Variants in SCN10A observed in about 807,000 individuals in gnomAD.
SCN10A encodes the protein sodium voltage-gated channel alpha subunit 10.
A neutral mutation model predicts 170.7 loss-of-function variants in SCN10A; 162 were observed. That is an observed-to-expected ratio of 0.95 (90% confidence interval 0.84 to 1.08). The LOEUF is 1.08. SCN10A is among the 50% of genes least tolerant of loss of function. The pLI is 0.00. For missense variants in SCN10A, 2,527 were observed against 2,436.9 expected (o/e 1.04, Z -0.78); for synonymous variants, 985 against 904.6 (o/e 1.09, Z -1.59).
At chr3:38,739,434 G>A in intron 15 of SCN10A, 81 bp downstream of exon 15, 2 of 1,278,226 alleles carry the variant, frequency 1.6e-6, no homozygotes, top group Non-Finnish European at 2.2e-6. Flanking sequence ...AGGGGGAGCT[G>A]GCTGGTGCAG....
At chr3:38,805,091 A>G (rs2064397096) in intron 1 of SCN10A, among the ~76,000 whole-genome samples, 1 of 152,126 alleles carries the variant, frequency 6.6e-6, no homozygotes, top group South Asian at 2.1e-4. Flanking sequence ...TGCAAACATG[A>G]CTAAGCTAAT....
At chr3:38,763,140 C>T (rs2063894007) in intron 6 of SCN10A, among the ~76,000 whole-genome samples, 1 of 152,208 alleles carries the variant, frequency 6.6e-6, no homozygotes, top group African/African-American at 2.4e-5. Flanking sequence ...CCTTCCTCCC[C>T]ATTTCCAAGT....
chr3:38,749,531 C>T (rs2063726387), intron 13 of SCN10A, among the ~76,000 whole-genome samples: 1 of 152,106 alleles, frequency 6.6e-6, no homozygotes, highest in Non-Finnish European at 1.5e-5. Context: ...GAGTGGATTC[C>T]CACTTGATTG....
At chr3:38,741,690 A>C (rs2063634235) in intron 14 of SCN10A, among the ~76,000 whole-genome samples, 2 of 152,158 alleles carry the variant, frequency 1.3e-5, no homozygotes, top group South Asian at 4.1e-4. Flanking sequence ...CAAGTGATGG[A>C]GGAAAATTTA....
intron 14 of SCN10A, among the ~76,000 whole-genome samples, chr3:38,740,908 T>C (rs1363670870): frequency 6.6e-6 from 1 of 152,208 alleles, no homozygotes; most frequent in Non-Finnish European, 1.5e-5. Flanking sequence ...AGGCCCTCTG[T>C]GGTCTTAGGC....
intron 5 of SCN10A, among the ~76,000 whole-genome samples, chr3:38,771,029 C>A (rs532492937): frequency 6.6e-6 from 1 of 152,220 alleles, no homozygotes; most frequent in African/African-American, 2.4e-5. Flanking sequence ...GTTTCCCCCC[C>A]TCACACTTTG....
At chr3:38,718,037 G>C (rs1347551908) in intron 21 of SCN10A, among the ~76,000 whole-genome samples, 4 of 152,202 alleles carry the variant, frequency 2.6e-5, no homozygotes, top group Non-Finnish European at 1.5e-5. Context: ...CTCTCCAAAT[G>C]CGCCCTCTGT....
rs868452015 is a variant in SCN10A, at chr3:38,712,242, G to A, written c.4008C>T (p.Asn1336=). 1.2e-6 allele frequency: 2 copies of A among 1,614,210 alleles called. No homozygotes were observed. The highest frequency in any genetic ancestry group is 8.5e-7 in the Non-Finnish European group (1 of 1,180,002). The change falls in exon 23 of 28, where the codon AAC becomes AAT. Residue 1336 remains asparagine (N), a synonymous_variant. Coordinates refer to ENST00000449082, the MANE Select transcript of SCN10A (RefSeq NM_006514.4). ...VNNKSDCKIQ[N]STGSFFWVNV... is the part of the protein sequence containing the mutation. ...TGACCCAGAAGAAGCTGCCAGTGGA[G>A]TTTTGAATCTTGCAGTCAGACTTGT...
Position 38,763,607 on chromosome 3 carries a change from A to G in SCN10A, c.600-11T>C. On this transcript the variant is annotated splice_polypyrimidine_tract_variant and intron_variant, in intron 5 of 27. Coordinates refer to ENST00000449082, the MANE Select transcript of SCN10A (RefSeq NM_006514.4). ...GCTGTGCCAACATATCTGTAGGACC[A>G]GAAGTTAGTCAGCATCTCTGCAAGC... 2 of 1,607,870 alleles carry G rather than the reference A, an allele frequency of 1.2e-6. No homozygotes were observed. Among genetic ancestry groups the G allele is most frequent in the Non-Finnish European group, 1.7e-6 (2 of 1,174,460 alleles).
intron 22 of SCN10A, among the ~76,000 whole-genome samples, chr3:38,713,751 G>C (rs2063300448): frequency 6.6e-6 from 1 of 152,054 alleles, no homozygotes; most frequent in South Asian, 2.1e-4. Context: ...GAGTATAATG[G>C]CACAATCTCG....
intron 27 of SCN10A, among the ~76,000 whole-genome samples, chr3:38,700,831 G>C (rs2063148759): frequency 6.6e-6 from 1 of 152,208 alleles, no homozygotes; most frequent in Non-Finnish European, 1.5e-5. Flanking sequence ...AAGCAGGTCA[G>C]GATATAACCA....
intron 1 of SCN10A, among the ~76,000 whole-genome samples, chr3:38,795,996 C>T (rs972488384): frequency 3.9e-5 from 6 of 152,138 alleles, no homozygotes; most frequent in African/African-American, 9.7e-5. Context: ...AACATCTCAT[C>T]ATTCCCATAT....
At chr3:38,725,443 A>G in intron 17 of SCN10A, 129 bp from the exon 18 acceptor site, 2 of 703,586 alleles carry the variant, frequency 2.8e-6, no homozygotes, top group Non-Finnish European at 4.4e-6. Context: ...ATGTACATAC[A>G]TATATACATA....
chr3:38,760,695 A>G lies in SCN10A; in HGVS notation c.936T>C (p.Asn312=), dbSNP rs777661319. 6.2e-7 allele frequency: 1 copy of G among 1,613,956 alleles called. No homozygotes were observed. Among genetic ancestry groups the G allele is most frequent in the African/African-American group, 1.3e-5 (1 of 74,944 alleles). The change falls in exon 8 of 28, where the codon AAT becomes AAC. Residue 312 remains asparagine, a synonymous_variant. Transcript: ENST00000449082. The stretch of plus-strand genomic sequence containing the variant: ...TGGGAACTCACCCTGAGTCAGATCC[A>G]TTGCCACACAGTAAGGGGTCAGAAG... ...RGTSDPLLCG[N]GSDSGHCPDG...
intron 1 of SCN10A, among the ~76,000 whole-genome samples, chr3:38,810,268 G>A (rs1437875533): frequency 6.6e-6 from 1 of 152,144 alleles, no homozygotes; most frequent in East Asian, 1.9e-4. Flanking sequence ...TGGGTTTTGG[G>A]CAAGGTTCTA....
At chr3:38,707,213 C>T in intron 26 of SCN10A, 66 bp downstream of exon 26, 1 of 1,529,596 alleles carries the variant, frequency 6.5e-7, no homozygotes, top group Admixed American at 1.7e-5. Flanking sequence ...CCCTGCCTGA[C>T]ACAGGCATAG....
intron 6 of SCN10A, among the ~76,000 whole-genome samples, chr3:38,762,545 G>A (rs181850230): frequency 8.5e-5 from 13 of 152,172 alleles, no homozygotes; most frequent in African/African-American, 2.9e-4. Context: ...TTGCAGAACC[G>A]TAGGTGGATT....
Position 38,793,977 on chromosome 3 carries a change from T to C in SCN10A, c.34A>G (p.Asn12Asp), listed in dbSNP as rs1209324221. The C allele has an allele frequency of 6.2e-7, 1 of 1,614,012 alleles. No individual in the cohort carries two copies. The highest frequency in any genetic ancestry group is 1.7e-5 in the Admixed American group (1 of 60,014). Residue 12 changes from asparagine to aspartate, a missense_variant, in exon 2 of 28, where the codon AAC becomes GAC. Transcript: ENST00000449082. ...GACTCCGGAGTAAAGCGACGGAAGT[T>C]GTTAGTTTCGAGGGATCCAATGGGG... is the stretch of plus-strand genomic sequence containing the variant. ...EFPIGSLETNNFRRFTPESLV... is the reference protein window; with the variant it reads ...EFPIGSLETNDFRRFTPESLV...
chr3:38,698,402 G>A lies in SCN10A; in HGVS notation c.4818C>T (p.Ala1606=), dbSNP rs368992843. 6.2e-7 allele frequency: 1 copy of A among 1,614,180 alleles called. No individual in the cohort carries two copies. Among genetic ancestry groups the A allele is most frequent in the Non-Finnish European group, 8.5e-7 (1 of 1,180,034 alleles). The change falls in exon 28 of 28, where the codon GCC becomes GCT. Residue 1606 remains alanine (A), a synonymous_variant. Transcript: ENST00000449082. Reference sequence around the variant, plus strand: ...ATAGCAACAGCCCGATGTTGAAGAGGGCAGGCAGGGACATCATGAGGGCAA... The same window carrying A: ...ATAGCAACAGCCCGATGTTGAAGAGAGCAGGCAGGGACATCATGAGGGCAA... ...LLFALMMSLP[A]LFNIGLLLFL... is the part of the protein sequence containing the mutation.
Sources: allele counts gnomAD v4.1 joint callset (sites outside exome capture counted in the v4.1 genomes callset), GRCh38; gene constraint gnomAD v4.1.1; transcripts MANE v1.5; gene names NCBI Gene and HGNC (gene_info 2026-07-23, HGNC 2026-07-21).